NELL1: variants seen among roughly 807,000 people sequenced by gnomAD.
The protein encoded by NELL1 is protein kinase C-binding protein NELL1.
A neutral mutation model predicts 107.4 loss-of-function variants in NELL1; 76 were observed. That is an observed-to-expected ratio of 0.71 (90% CI 0.59 to 0.86). The LOEUF (loss-of-function observed/expected upper bound fraction) is 0.86, where lower values mean the gene tolerates loss of function less well. NELL1 is among the 40% of genes least tolerant of loss of function. NELL1 has a pLI of 0.00. For synonymous variants in NELL1, 353 were observed against 341.2 expected, an observed-to-expected ratio of 1.03 and a Z score of -0.38; for missense variants, 1,024 against 1,005.5, an observed-to-expected ratio of 1.02 and a Z score of -0.25.
At chr11:21,023,834 A>C (rs1056956503) in intron 12 of NELL1, among the ~76,000 whole-genome samples, 1 of 152,232 alleles carries the variant, frequency 6.6e-6, no homozygotes, top group South Asian at 2.1e-4. Flanking sequence ...AAACAAATGC[A>C]TATGTCTTTT....
At chr11:20,874,736 A>G (rs777970000) in intron 4 of NELL1, among the ~76,000 whole-genome samples, 5 of 152,208 alleles carry the variant, frequency 3.3e-5, no homozygotes, top group Admixed American at 6.5e-5. Context: ...TCTGTATACT[A>G]TAGTTCTGAC....
At chr11:20,893,522 T>G (rs547380397) in intron 5 of NELL1, among the ~76,000 whole-genome samples, 3 of 151,914 alleles carry the variant, frequency 2.0e-5, no homozygotes, top group Non-Finnish European at 4.4e-5. Context: ...AGAAACTGAT[T>G]AACTTTAGAC....
At chr11:21,526,099 A>T (rs1855848313) in intron 15 of NELL1, among the ~76,000 whole-genome samples, 1 of 152,218 alleles carries the variant, frequency 6.6e-6, no homozygotes, top group South Asian at 2.1e-4. Flanking sequence ...ATCCAAAGCA[A>T]GTTACTTACC....
Position 21,548,766 on chromosome 11 carries a change from G to C in NELL1, c.1787-11423G>C, listed in dbSNP as rs77038629. ...AACCATTGGTTATGAGGTGGGACAA[G>C]CCTGGCTTTAAGTTAGGATGCCTGC... On this transcript the variant is annotated intron_variant, in intron 16 of 19. Transcript: ENST00000357134. Among the ~76,000 whole-genome samples the C allele has an allele frequency of 2.6e-5, 4 of 151,698 alleles. No homozygotes were observed. In the East Asian group the frequency reaches 7.8e-4, roughly 30 times the overall value.
At position 20,847,551 on chromosome 11, in the gene NELL1, A is replaced by G. The variant is rs772390243; in HGVS notation, c.336-32A>G. On this transcript the variant is annotated intron_variant, in intron 3 of 19. Transcript: ENST00000357134. ...TGATGGCTGTGATATCCAGAACTAA[A>G]ATAAAACAAATGTTTGTTCCTTTAC... The G allele has an allele frequency of 6.3e-6, 10 of 1,599,906 alleles. No individual in the cohort carries two copies. The Admixed American group carries it at 1.7e-4, about 27-fold the overall frequency.
chr11:20,928,739 C>A (rs919979376), intron 9 of NELL1, among the ~76,000 whole-genome samples: 1 of 151,934 alleles, frequency 6.6e-6, no homozygotes, highest in South Asian at 2.1e-4. Context: ...GTGGAAGGAA[C>A]GTGTGTTCAC....
intron 4 of NELL1, among the ~76,000 whole-genome samples, chr11:20,878,481 A>G (rs1036534415): frequency 4.6e-5 from 7 of 151,586 alleles, no homozygotes; most frequent in African/African-American, 1.7e-4. Context: ...TCTGCCTGAT[A>G]GATTCAAATT....
intron 2 of NELL1, among the ~76,000 whole-genome samples, chr11:20,715,303 GTTT>G (rs71748513): frequency 0.29 from 41,937 of 145,028 alleles, 7,470 homozygotes; most frequent in African/African-American, 0.5. Context: ...CTGGGTTTTT[GTTT>G]TTTTTTTTTT....
intron 2 of NELL1, among the ~76,000 whole-genome samples, chr11:20,696,895 A>G (rs2133874561): frequency 6.6e-6 from 1 of 152,290 alleles, no homozygotes; most frequent in South Asian, 2.1e-4. Context: ...AACAAAAGTG[A>G]GGTATGGAAA....
intron 4 of NELL1, among the ~76,000 whole-genome samples, chr11:20,867,741 G>T (rs1849122381): frequency 6.6e-6 from 1 of 152,116 alleles, no homozygotes; most frequent in African/African-American, 2.4e-5. Flanking sequence ...ATGCCAAAAG[G>T]TTATTTAATT....
chr11:21,114,682 C>T (rs1329806465), intron 13 of NELL1, among the ~76,000 whole-genome samples: 1 of 151,846 alleles, frequency 6.6e-6, no homozygotes, highest in Non-Finnish European at 1.5e-5. Flanking sequence ...GGGTGAAGGG[C>T]TGGAGAGTTC....
chr11:21,055,782 C>T (rs1462908184), intron 12 of NELL1, among the ~76,000 whole-genome samples: 1 of 152,128 alleles, frequency 6.6e-6, no homozygotes, highest in Non-Finnish European at 1.5e-5. Context: ...CTTTCATTTT[C>T]TATTCCTATA....
intron 15 of NELL1, among the ~76,000 whole-genome samples, chr11:21,439,387 TG>T (rs1018835327): frequency 2.0e-4 from 30 of 152,128 alleles, no homozygotes; most frequent in Non-Finnish European, 7.4e-5. Flanking sequence ...GAGTTGGTTC[TG>T]GGCATTATAA....
At chr11:21,181,266 T>C (rs1242238247) in intron 13 of NELL1, among the ~76,000 whole-genome samples, 2 of 151,902 alleles carry the variant, frequency 1.3e-5, no homozygotes, top group African/African-American at 4.9e-5. Flanking sequence ...GCAAAAGTAA[T>C]TGCAGTTTTT....
intron 14 of NELL1, among the ~76,000 whole-genome samples, chr11:21,365,532 A>G (rs535066333): frequency 5.9e-5 from 9 of 152,294 alleles, no homozygotes; most frequent in Non-Finnish European, 1.2e-4. Flanking sequence ...AACAGAATTT[A>G]CCATTAGTAT....
At chr11:21,295,898 C>T (rs542049102) in intron 14 of NELL1, among the ~76,000 whole-genome samples, 1 of 152,022 alleles carries the variant, frequency 6.6e-6, no homozygotes, top group Non-Finnish European at 1.5e-5. Context: ...ATTGGAATGT[C>T]TTGTTACCAA....
chr11:21,415,200 C>G (rs886992769), intron 15 of NELL1, among the ~76,000 whole-genome samples: 1 of 152,098 alleles, frequency 6.6e-6, no homozygotes, highest in Admixed American at 6.6e-5. Flanking sequence ...CCTTCACCTT[C>G]CCCTGCTCTT....
intron 14 of NELL1, among the ~76,000 whole-genome samples, chr11:21,321,184 G>C (rs2133666190): frequency 6.6e-6 from 1 of 152,276 alleles, no homozygotes; most frequent in East Asian, 1.9e-4. Flanking sequence ...ATGAGCAATG[G>C]GATGCTGTCT....
chr11:20,955,804 A>G (rs1325177726), intron 11 of NELL1, among the ~76,000 whole-genome samples: 1 of 152,194 alleles, frequency 6.6e-6, no homozygotes. Context: ...TAAATTCTCC[A>G]AATATTGTTG....
Sources: gnomAD v4.1 joint callset for allele counts (sites outside exome capture counted in the v4.1 genomes callset) on GRCh38, gnomAD v4.1.1 for gene constraint, MANE v1.5 for transcripts, NCBI Gene and HGNC (gene_info 2026-07-23, HGNC 2026-07-21) for gene names.